KIAA0825: variants seen among roughly 807,000 people sequenced by gnomAD.
KIAA0825 encodes uncharacterized protein KIAA0825.
A neutral mutation model predicts 147.6 loss-of-function variants in KIAA0825; 119 were observed. The observed-to-expected ratio is 0.81, with a 90% CI of 0.69 to 0.94. KIAA0825 has a LOEUF of 0.94. Ranked by LOEUF, KIAA0825 falls within the 40% of genes least tolerant of loss-of-function variation. The probability of loss-of-function intolerance (pLI) is 0.00; values close to 1 mark genes in which losing one functional copy is unlikely to be tolerated. For missense variants in KIAA0825, 1,381 were observed against 1,472.7 expected (o/e 0.94, Z 1.02); for synonymous variants, 470 against 518.1 (o/e 0.91, Z 1.26).
chr5:94,171,874 G>A (rs1768647563), intron 20 of KIAA0825, among the ~76,000 whole-genome samples: 1 of 151,974 alleles, frequency 6.6e-6, no homozygotes, highest in African/African-American at 2.4e-5. Context: ...TTTGGTAGAA[G>A]ATACTGAGAG....
intron 20 of KIAA0825, among the ~76,000 whole-genome samples, chr5:94,161,061 C>T (rs1767536249): frequency 6.6e-6 from 1 of 152,194 alleles, no homozygotes; most frequent in South Asian, 2.1e-4. Flanking sequence ...CAGTCTGTCA[C>T]CAGTTAAGAG....
intron 20 of KIAA0825, among the ~76,000 whole-genome samples, chr5:94,157,410 A>G (rs1767135181): frequency 6.6e-6 from 1 of 152,112 alleles, no homozygotes; most frequent in Non-Finnish European, 1.5e-5. Context: ...TATGGCTCCT[A>G]GGTGGTTAGA....
At chr5:94,576,766 A>C (rs1173516496) in intron 2 of KIAA0825, among the ~76,000 whole-genome samples, 2 of 152,248 alleles carry the variant, frequency 1.3e-5, no homozygotes, top group African/African-American at 4.8e-5. Context: ...ACATCTACTC[A>C]CGGAAGAATC....
intron 20 of KIAA0825, 74 bp downstream of exon 20, chr5:94,384,294 C>A: frequency 9.8e-7 from 1 of 1,016,744 alleles, no homozygotes; most frequent in Non-Finnish European, 1.5e-6. Flanking sequence ...AATCTGTGTA[C>A]GTGTATACAC....
At chr5:94,506,102 T>G (rs73145042) in intron 5 of KIAA0825, among the ~76,000 whole-genome samples, 16,061 of 152,250 alleles carry the variant, frequency 0.11, 2,846 homozygotes, top group African/African-American at 0.37. Flanking sequence ...CTTTGCTCAG[T>G]GAATAATGAT....
chr5:94,460,027 A>T (rs1220644530), intron 12 of KIAA0825, among the ~76,000 whole-genome samples: 1 of 152,086 alleles, frequency 6.6e-6, no homozygotes, highest in Non-Finnish European at 1.5e-5. Context: ...CATTTGTTGA[A>T]TTGAAACTGA....
At chr5:94,213,043 A>G (rs553079291) in intron 20 of KIAA0825, among the ~76,000 whole-genome samples, 8 of 152,316 alleles carry the variant, frequency 5.3e-5, no homozygotes, top group Non-Finnish European at 1.0e-4. Context: ...GAAATAGGTA[A>G]TATCATCCCC....
Position 94,465,037 on chromosome 5 carries a change from A to G in KIAA0825, c.1895T>C (p.Ile632Thr), listed in dbSNP as rs1452308066. Residue 632 changes from isoleucine (I) to threonine (T), a missense_variant, in exon 11 of 21, where the codon ATC becomes ACC. Ile to Thr is a moderately conservative substitution (Grantham distance 89, BLOSUM62 -1). Coordinates refer to ENST00000682413, the MANE Select transcript of KIAA0825 (RefSeq NM_001145678.3). ...CCAGCAGAAATAATGCCACATCTGGATCGAGAAGGAACATCTTTCCCCCTG... is the reference window on the plus strand; with the variant it reads ...CCAGCAGAAATAATGCCACATCTGGGTCGAGAAGGAACATCTTTCCCCCTG... ...FYEGERCSFS[I>T]QMWHYFCWSL... The G allele has an allele frequency of 1.3e-6, 2 of 1,551,596 alleles. No individual in the cohort carries two copies. The highest frequency in any genetic ancestry group is 2.4e-5 in the South Asian group (2 of 84,034).
intron 20 of KIAA0825, among the ~76,000 whole-genome samples, chr5:94,292,431 C>A (rs944220601): frequency 1.3e-5 from 2 of 152,080 alleles, no homozygotes; most frequent in Non-Finnish European, 2.9e-5. Context: ...GTATGTCGAA[C>A]CAGCCTTGCA....
chr5:94,193,728 G>A (rs761240976), intron 20 of KIAA0825, among the ~76,000 whole-genome samples: 5 of 152,188 alleles, frequency 3.3e-5, no homozygotes, highest in Non-Finnish European at 7.3e-5. Flanking sequence ...GAGGCACAGA[G>A]ATGTTGAGTA....
At chr5:94,516,745 G>A (rs1424945522) in intron 5 of KIAA0825, among the ~76,000 whole-genome samples, 5 of 145,494 alleles carry the variant, frequency 3.4e-5, no homozygotes, top group African/African-American at 7.7e-5. Context: ...AGCGGAGATC[G>A]CGCCACAGCA....
intron 9 of KIAA0825, 134 bp from the exon 10 acceptor site, chr5:94,470,245 C>T: frequency 1.8e-6 from 1 of 549,850 alleles, no homozygotes; most frequent in Non-Finnish European, 2.8e-6. Context: ...AAGTCTGCAT[C>T]CACATTCACT....
Position 94,543,022 on chromosome 5 carries a change from G to A in KIAA0825, c.-1-5895C>T, listed in dbSNP as rs150757963. ...TCTGCACACAGTGTTTCTGTCCTGT[G>A]GTAAGTAAAGAATGTCACTTTCTAA... On this transcript the variant is annotated intron_variant, in intron 2 of 20. Transcript: ENST00000682413. 2.6e-3 allele frequency among the ~76,000 whole-genome samples: 396 copies of A among 152,184 alleles called. 2 individuals are homozygous for A. The highest frequency in any genetic ancestry group is 9.1e-3 in the African/African-American group (376 of 41,522).
intron 2 of KIAA0825, among the ~76,000 whole-genome samples, chr5:94,556,719 T>C (rs532695231): frequency 6.6e-6 from 1 of 152,332 alleles, no homozygotes; most frequent in South Asian, 2.1e-4. Context: ...CAGCAGACTA[T>C]AAACATGTCC....
intron 3 of KIAA0825, among the ~76,000 whole-genome samples, chr5:94,535,458 C>T (rs544492695): frequency 2.5e-4 from 32 of 130,502 alleles, no homozygotes; most frequent in African/African-American, 8.5e-4. Flanking sequence ...TGCAGTGAGC[C>T]GAAATCGTGC....
intron 20 of KIAA0825, among the ~76,000 whole-genome samples, chr5:94,291,903 C>T (rs1213451305): frequency 1.3e-5 from 2 of 152,092 alleles, no homozygotes; most frequent in African/African-American, 4.8e-5. Context: ...CATGATTTGG[C>T]TCTCTGTTTG....
At chr5:94,605,389 G>A (rs1787310210) in intron 1 of KIAA0825, among the ~76,000 whole-genome samples, 1 of 152,164 alleles carries the variant, frequency 6.6e-6, no homozygotes, top group Non-Finnish European at 1.5e-5. Flanking sequence ...AATTGAAAAG[G>A]AGGTACTCCT....
In KIAA0825 at chr5:94,386,319, C is replaced by T. The variant is rs1749135422; in HGVS notation, c.3542G>A (p.Ser1181Asn). Residue 1181 changes from serine to asparagine, a missense_variant, in exon 19 of 21, where the codon AGT becomes AAT. Physicochemically the swap from Ser to Asn is conservative, Grantham distance 46. Coordinates refer to ENST00000682413, the MANE Select transcript of KIAA0825 (RefSeq NM_001145678.3). ...PIRPLKTTLR[S>N]IEDQPSAFNP... Reference sequence around the variant, plus strand: ...AAAGGCAGAAGGCTGATCTTCTATACTCCTCAAGGTCGTCTTTAAAGGTCG... The same window carrying T: ...AAAGGCAGAAGGCTGATCTTCTATATTCCTCAAGGTCGTCTTTAAAGGTCG... The T allele has an allele frequency of 1.3e-6, 2 of 1,551,552 alleles. No individual in the cohort carries two copies. Among genetic ancestry groups the T allele is most frequent in the Non-Finnish European group, 1.7e-6 (2 of 1,146,800 alleles).
At chr5:94,157,077 TC>T (rs1767098682) in intron 20 of KIAA0825, among the ~76,000 whole-genome samples, 1 of 152,170 alleles carries the variant, frequency 6.6e-6, no homozygotes. Context: ...ATTCCTAATT[TC>T]CCCTAATATA....
Sources: gnomAD v4.1 joint callset for allele counts (sites outside exome capture counted in the v4.1 genomes callset) on GRCh38, gnomAD v4.1.1 for gene constraint, MANE v1.5 for transcripts, NCBI Gene and HGNC (gene_info 2026-07-23, HGNC 2026-07-21) for gene names.